The following CATSPERD variants were observed in gnomAD, a reference collection of about 807,000 sequenced individuals.
The protein encoded by CATSPERD is catsper channel auxiliary subunit delta.
CATSPERD carries 86 observed loss-of-function variants against 98.1 expected under a neutral mutation model. That is an observed-to-expected ratio of 0.88 (90% confidence interval 0.74 to 1.05). The LOEUF (loss-of-function observed/expected upper bound fraction) is 1.05, where lower values mean the gene tolerates loss of function less well. Ranked by LOEUF, CATSPERD falls within the 50% of genes least tolerant of loss-of-function variation. CATSPERD has a pLI of 0.00. For synonymous variants in CATSPERD, 394 were observed against 390.2 expected, an observed-to-expected ratio of 1.01 and a Z score of -0.12; for missense variants, 995 against 1,005.7, an observed-to-expected ratio of 0.99 and a Z score of 0.14.
chr19:5,776,928 G>A (rs2056750520), intron 21 of CATSPERD, among the ~76,000 whole-genome samples: 1 of 151,832 alleles, frequency 6.6e-6, no homozygotes, highest in Non-Finnish European at 1.5e-5. Flanking sequence ...TTTCATGTCA[G>A]TGGCTTCGAA....
chr19:5,747,007 T>A (rs2145761001), intron 9 of CATSPERD, among the ~76,000 whole-genome samples: 1 of 151,434 alleles, frequency 6.6e-6, no homozygotes, highest in East Asian at 2.0e-4. Context: ...CATGCCTGGC[T>A]GATTTTTTTG....
chr19:5,754,357 C>A, intron 13 of CATSPERD, 112 bp downstream of exon 13: 1 of 666,254 alleles, frequency 1.5e-6, no homozygotes, highest in Non-Finnish European at 2.7e-6. Flanking sequence ...ACGCTACTCG[C>A]ACACTCACAA....
chr19:5,775,376 G>C (rs564250386), intron 20 of CATSPERD: 4 of 444,264 alleles, frequency 9.0e-6, no homozygotes. Context: ...AGGTGGCCAC[G>C]CCTGTAATCC....
chr19:5,742,213 T>G (rs930496269), intron 7 of CATSPERD, among the ~76,000 whole-genome samples: 1 of 49,014 alleles, frequency 2.0e-5, no homozygotes, highest in Admixed American at 2.0e-4. Flanking sequence ...TGTGTGCATG[T>G]GTGTACATGT....
chr19:5,763,585 G>A (rs2056482798), intron 16 of CATSPERD, among the ~76,000 whole-genome samples: 1 of 152,136 alleles, frequency 6.6e-6, no homozygotes, highest in Non-Finnish European at 1.5e-5. Context: ...CTCTTAGGAG[G>A]TCCCTAGAGT....
chr19:5,770,711 G>C (rs933250673), intron 18 of CATSPERD, among the ~76,000 whole-genome samples: 2 of 151,904 alleles, frequency 1.3e-5, no homozygotes, highest in African/African-American at 4.8e-5. Context: ...GGCCCAGGAG[G>C]TGGAGGTTGC....
intron 19 of CATSPERD, 96 bp from the exon 20 acceptor site, chr19:5,772,692 C>G: frequency 1.5e-6 from 2 of 1,293,524 alleles, no homozygotes; most frequent in East Asian, 2.4e-5. Context: ...CCTCCCACCC[C>G]CCAAGCGGTT....
intron 18 of CATSPERD, among the ~76,000 whole-genome samples, chr19:5,769,439 T>C (rs1341160111): frequency 1.3e-5 from 2 of 152,214 alleles, no homozygotes; most frequent in Admixed American, 6.6e-5. Context: ...TCTGCCGTTG[T>C]GGCCTAAACA....
At chr19:5,726,121 G>A (rs1040467646) in intron 2 of CATSPERD, among the ~76,000 whole-genome samples, 6 of 150,942 alleles carry the variant, frequency 4.0e-5, no homozygotes, top group African/African-American at 1.5e-4. Context: ...GAGTGCCGTG[G>A]CACAATCTTG....
chr19:5,732,867 G>T (rs1455502936), intron 4 of CATSPERD, among the ~76,000 whole-genome samples: 2 of 152,020 alleles, frequency 1.3e-5, no homozygotes, highest in East Asian at 3.9e-4. Context: ...TAGTAGAGAT[G>T]GGGTTTTGTT....
At chr19:5,743,680 C>T (rs2056038205) in intron 7 of CATSPERD, among the ~76,000 whole-genome samples, 1 of 118,110 alleles carries the variant, frequency 8.5e-6, no homozygotes. Flanking sequence ...CTCTCTCTCT[C>T]TTCCTCTCTC....
chr19:5,762,058 A>ATATATATATATATATATATATTTTT, intron 15 of CATSPERD, among the ~76,000 whole-genome samples: 1 of 10,436 alleles, frequency 9.6e-5, no homozygotes, highest in Non-Finnish European at 1.8e-4. Flanking sequence ...ATATATATAT[A>ATATATATATATATATATATATTTTT]TTTTTTTTTT....
rs769080778 is a variant in CATSPERD at position 5,745,917 on chromosome 19, T to C, written c.662T>C (p.Met221Thr). The C allele has an allele frequency of 1.9e-6, 3 of 1,614,084 alleles. No individual in the cohort carries two copies. The highest frequency in any genetic ancestry group is 1.3e-5 in the African/African-American group (1 of 75,054). Reference protein sequence around the residue: ...AMLVVNQGKGMFKYSDHPLNR... With the variant: ...AMLVVNQGKGTFKYSDHPLNR... The stretch of plus-strand genomic sequence containing the variant: ...AATGGTGTCTTTTTCTCCCAGGGCA[T>C]GTTCAAGTACTCAGATCACCCCCTC... The change falls in exon 9 of 22, where the codon ATG becomes ACG. Residue 221 changes from methionine to threonine, a missense_variant. Coordinates refer to ENST00000381624, the MANE Select transcript of CATSPERD (RefSeq NM_152784.4).
intron 21 of CATSPERD, among the ~76,000 whole-genome samples, chr19:5,777,613 T>G (rs550312981): frequency 1.3e-5 from 2 of 152,238 alleles, no homozygotes; most frequent in South Asian, 2.1e-4. Flanking sequence ...CCTGGCACAA[T>G]AGCTTACGCC....
chr19:5,763,437 T>A, intron 16 of CATSPERD, 144 bp downstream of exon 16: 1 of 597,270 alleles, frequency 1.7e-6, no homozygotes, highest in Admixed American at 3.3e-5. Flanking sequence ...CCTCAAAAAC[T>A]AAAAAAATTA....
At chr19:5,738,958 C>T (rs1053748127) in intron 6 of CATSPERD, among the ~76,000 whole-genome samples, 3 of 151,810 alleles carry the variant, frequency 2.0e-5, no homozygotes, top group African/African-American at 2.4e-5. Context: ...GAACTCCTGG[C>T]GTCAACTGAT....
At chr19:5,770,391 C>A (rs938091544) in intron 18 of CATSPERD, among the ~76,000 whole-genome samples, 1 of 149,428 alleles carries the variant, frequency 6.7e-6, no homozygotes, top group African/African-American at 2.5e-5. Context: ...GATTGCACCA[C>A]TGTGCTCCAG....
At chr19:5,733,418 C>T in intron 4 of CATSPERD, among the ~76,000 whole-genome samples, 1 of 144,020 alleles carries the variant, frequency 6.9e-6, no homozygotes, top group African/African-American at 2.6e-5. Flanking sequence ...TCCTTCCTTC[C>T]TTCCTTCCTT....
Position 5,733,973 on chromosome 19 carries a change from A to G in CATSPERD, c.391+3A>G. 2 of 1,553,422 alleles carry G rather than the reference A, an allele frequency of 1.3e-6. No individual in the cohort carries two copies. The highest frequency in any genetic ancestry group is 1.8e-6 in the Non-Finnish European group (2 of 1,134,542). On this transcript the variant is annotated splice_donor_region_variant and intron_variant, in intron 5 of 21. Transcript: ENST00000381624. ...TAATTCTTGGAGCATGTCTTTAGGT[A>G]TGTACATTTTGTATTTTTAAATTTT...
Sources: gnomAD v4.1 joint callset for allele counts (sites outside exome capture counted in the v4.1 genomes callset) on GRCh38, gnomAD v4.1.1 for gene constraint, MANE v1.5 for transcripts, NCBI Gene and HGNC (gene_info 2026-07-23, HGNC 2026-07-21) for gene names.